The following HECW1 variants were observed in gnomAD, a reference collection of about 807,000 sequenced individuals.
HECW1 encodes E3 ubiquitin-protein ligase HECW1.
HECW1 carries 61 observed loss-of-function variants against 182.3 expected under a neutral mutation model. The ratio of observed to expected loss-of-function variants is 0.33; its 90% CI spans 0.27 to 0.41. The LOEUF (loss-of-function observed/expected upper bound fraction) is 0.41, where lower values mean the gene tolerates loss of function less well. Among genes scored for constraint, HECW1 ranks in the 10% least tolerant of loss-of-function variants. The pLI is 1.00. For missense variants in HECW1, 1,739 were observed against 2,108.9 expected (o/e 0.82, Z 3.44); for synonymous variants, 859 against 832.6 (o/e 1.03, Z -0.55).
At chr7:43,140,678 A>G (rs1183131523) in intron 2 of HECW1, among the ~76,000 whole-genome samples, 1 of 152,224 alleles carries the variant, frequency 6.6e-6, no homozygotes, top group Non-Finnish European at 1.5e-5. Context: ...GGAGAACCCA[A>G]AGTAATGCAA....
chr7:43,402,566 A>G (rs2075463575), intron 7 of HECW1, among the ~76,000 whole-genome samples: 1 of 152,224 alleles, frequency 6.6e-6, no homozygotes, highest in African/African-American at 2.4e-5. Flanking sequence ...CTCAAACACT[A>G]CCACACTTAC....
At position 43,507,142 on chromosome 7, in the gene HECW1, C is replaced by T; in HGVS notation, c.3637C>T (p.Gln1213Ter). 6.2e-7 allele frequency: 1 copy of T among 1,613,650 alleles called. No homozygotes were observed. Among genetic ancestry groups the T allele is most frequent in the Non-Finnish European group, 8.5e-7 (1 of 1,179,686 alleles). Residue 1213 changes from glutamine to a stop codon, truncating the protein, a stop_gained, in exon 22 of 30, where the codon CAG becomes TAG. Coordinates refer to ENST00000395891, the MANE Select transcript of HECW1 (RefSeq NM_015052.5). LOFTEE classifies it high-confidence loss of function. ...CSSPQNSPGLQRASARAPSPY... is the reference protein window; with the variant it reads ...CSSPQNSPGL Reference sequence around the variant, plus strand: ...CTGTGTGCTTCTCTCTGCAGGTTTACAGAGAGCCAGTGCAAGAGCCCCTTC... The same window carrying T: ...CTGTGTGCTTCTCTCTGCAGGTTTATAGAGAGCCAGTGCAAGAGCCCCTTC...
chr7:43,524,161 A>G (rs901187146), intron 24 of HECW1, among the ~76,000 whole-genome samples: 1 of 152,182 alleles, frequency 6.6e-6, no homozygotes, highest in Non-Finnish European at 1.5e-5. Context: ...TTCAGATACC[A>G]ATGGAAGGGT....
At chr7:43,373,471 T>G (rs942346030) in intron 6 of HECW1, among the ~76,000 whole-genome samples, 10 of 152,138 alleles carry the variant, frequency 6.6e-5, no homozygotes, top group Admixed American at 2.6e-4. Flanking sequence ...TTCTTTTCTT[T>G]CTTTTCCCTG....
intron 2 of HECW1, among the ~76,000 whole-genome samples, chr7:43,153,851 A>G (rs187121597): frequency 6.6e-6 from 1 of 152,330 alleles, no homozygotes; most frequent in East Asian, 1.9e-4. Context: ...GATAATATTT[A>G]CTATTTTATT....
At chr7:43,315,970 A>ATGGGCTC (rs1202924376) in intron 4 of HECW1, among the ~76,000 whole-genome samples, 1 of 152,114 alleles carries the variant, frequency 6.6e-6, no homozygotes, top group East Asian at 1.9e-4. Flanking sequence ...TTAATCAGTT[A>ATGGGCTC]TGGGCTCACT....
At chr7:43,496,040 G>A (rs920024877) in intron 19 of HECW1, among the ~76,000 whole-genome samples, 20 of 151,936 alleles carry the variant, frequency 1.3e-4, no homozygotes, top group African/African-American at 4.6e-4. Flanking sequence ...CCAAAAGGCA[G>A]TAGACTGTTT....
intron 3 of HECW1, among the ~76,000 whole-genome samples, chr7:43,272,650 C>T (rs950278491): frequency 6.6e-6 from 1 of 151,992 alleles, no homozygotes; most frequent in East Asian, 1.9e-4. Flanking sequence ...GTCAGGATGG[C>T]TATTATTAGG....
At chr7:43,536,163 C>A (rs2081172204) in intron 24 of HECW1, among the ~76,000 whole-genome samples, 1 of 152,156 alleles carries the variant, frequency 6.6e-6, no homozygotes, top group South Asian at 2.1e-4. Context: ...AATGTGGGTT[C>A]TTGGTATTTT....
chr7:43,385,556 G>A lies in HECW1; in HGVS notation c.556-11258G>A, dbSNP rs188248939. On this transcript the variant is annotated intron_variant, in intron 6 of 29. Transcript: ENST00000395891. ...GCAGCTCCTACACCATGGCAGAGCC[G>A]TCCCTCAGAGAGCTGGGGTAAGGGG... Among the ~76,000 whole-genome samples, 242 of 150,178 alleles carry A rather than the reference G, an allele frequency of 1.6e-3. 2 individuals are homozygous for A. Among genetic ancestry groups the A allele is most frequent in the Admixed American group, 3.8e-3 (58 of 15,082 alleles).
intron 8 of HECW1, among the ~76,000 whole-genome samples, chr7:43,437,122 G>C (rs2076737316): frequency 6.6e-6 from 1 of 152,086 alleles, no homozygotes; most frequent in East Asian, 1.9e-4. Context: ...CTTCAGTTTG[G>C]AGCATCCCCC....
At chr7:43,402,906 A>T (rs1453360150) in intron 7 of HECW1, among the ~76,000 whole-genome samples, 1 of 152,222 alleles carries the variant, frequency 6.6e-6, no homozygotes, top group Admixed American at 6.5e-5. Flanking sequence ...TAGCATTCTA[A>T]CTGAAAAAAT....
rs528795103 is a variant in HECW1 at position 43,304,822 on chromosome 7, A to G, written c.28-6941A>G. Among the ~76,000 whole-genome samples the G allele has an allele frequency of 2.6e-5, 4 of 152,290 alleles. No individual in the cohort carries two copies. The South Asian group carries it at 8.3e-4, about 32-fold the overall frequency. On this transcript the variant is annotated intron_variant, in intron 3 of 29. Coordinates refer to ENST00000395891, the MANE Select transcript of HECW1 (RefSeq NM_015052.5). ...ACAAAGTATTTACTGAGCATCATCT[A>G]TGTTCTTGCCAGGCACTACTTTTGC...
intron 3 of HECW1, among the ~76,000 whole-genome samples, chr7:43,275,284 C>A (rs1048016520): frequency 1.3e-5 from 2 of 152,088 alleles, no homozygotes; most frequent in East Asian, 3.9e-4. Flanking sequence ...AAATAAAAAT[C>A]TCTCATAACA....
intron 17 of HECW1, among the ~76,000 whole-genome samples, chr7:43,487,225 C>A (rs993833704): frequency 6.6e-6 from 1 of 152,126 alleles, no homozygotes; most frequent in Non-Finnish European, 1.5e-5. Context: ...ATGCAATTTT[C>A]AATCACAGCT....
At chr7:43,542,360 G>C (rs966762225) in intron 26 of HECW1, among the ~76,000 whole-genome samples, 1 of 151,856 alleles carries the variant, frequency 6.6e-6, no homozygotes, top group Non-Finnish European at 1.5e-5. Flanking sequence ...GTTGTAGCAT[G>C]TGTCTGAATT....
chr7:43,506,899 T>G (rs1157783373), intron 21 of HECW1, among the ~76,000 whole-genome samples: 1 of 152,140 alleles, frequency 6.6e-6, no homozygotes, highest in Non-Finnish European at 1.5e-5. Context: ...AAACCCCGTC[T>G]GTACTAAAAA....
chr7:43,538,258 T>G (rs1405215885), intron 24 of HECW1, among the ~76,000 whole-genome samples: 1 of 152,104 alleles, frequency 6.6e-6, no homozygotes, highest in Non-Finnish European at 1.5e-5. Flanking sequence ...AGGGAGAAAC[T>G]GGATGAGGGA....
chr7:43,523,012 G>C (rs1361554117), intron 24 of HECW1: 4 of 445,608 alleles, frequency 9.0e-6, no homozygotes, highest in Non-Finnish European at 1.3e-5. Flanking sequence ...TTGTTTGTTT[G>C]TTTGTTTTGA....
Sources: gnomAD v4.1 joint callset for allele counts (sites outside exome capture counted in the v4.1 genomes callset) on GRCh38, gnomAD v4.1.1 for gene constraint, MANE v1.5 for transcripts, NCBI Gene and HGNC (gene_info 2026-07-23, HGNC 2026-07-21) for gene names.